IL22RA1: variants seen among roughly 807,000 people sequenced by gnomAD.
IL22RA1 encodes the protein interleukin 22 receptor subunit alpha 1, also known as interleukin-22 receptor subunit alpha-1.
A neutral mutation model predicts 32.8 loss-of-function variants in IL22RA1; 25 were observed. The ratio of observed to expected loss-of-function variants is 0.76; its 90% CI spans 0.55 to 1.06. The LOEUF (loss-of-function observed/expected upper bound fraction) is 1.06, where lower values mean the gene tolerates loss of function less well. IL22RA1 is among the 50% of genes least tolerant of loss of function. The pLI, the probability that IL22RA1 is intolerant of heterozygous loss-of-function variation, is 0.00. For missense variants in IL22RA1, 709 were observed against 727.4 expected, an observed-to-expected ratio of 0.97 and a Z score of 0.29; for synonymous variants, 305 against 305.0, an observed-to-expected ratio of 1.00 and a Z score of 0.00.
In IL22RA1 at chr1:24,137,244, A is replaced by G. The variant is rs758989459; in HGVS notation, c.242T>C (p.Leu81Pro). Residue 81 changes from leucine to proline, a missense_variant, in exon 3 of 7, where the codon CTG (leucine) becomes CCG (proline). By Grantham distance (98) the Leu-to-Pro change is moderately conservative (BLOSUM62 -3). Transcript: ENST00000270800. ...CQRITRKSCN[L>P]TVETGNLTEL... ...CGTGAGGTTGCCCGTCTCCACCGTC[A>G]GGTTGCAGGACTTCCGGGTGATCCG... The G allele has an allele frequency of 6.2e-7, 1 of 1,614,170 alleles. No homozygotes were observed. The highest frequency in any genetic ancestry group is 1.1e-5 in the South Asian group (1 of 91,076).
At chr1:24,125,369 C>T (rs1644153805) in intron 5 of IL22RA1, among the ~76,000 whole-genome samples, 1 of 152,160 alleles carries the variant, frequency 6.6e-6, no homozygotes, top group South Asian at 2.1e-4. Flanking sequence ...CCTCAGTTTC[C>T]TCATCTGTAA....
At chr1:24,137,832 TCAAA>T (rs1644252863) in intron 2 of IL22RA1, among the ~76,000 whole-genome samples, 1 of 152,176 alleles carries the variant, frequency 6.6e-6, no homozygotes, top group East Asian at 1.9e-4. Context: ...TGTTTATTTT[TCAAA>T]CAAAGAAGAT....
chr1:24,135,823 A>G (rs1644238103), intron 3 of IL22RA1, among the ~76,000 whole-genome samples: 1 of 152,246 alleles, frequency 6.6e-6, no homozygotes, highest in South Asian at 2.1e-4. Context: ...CGTCCCCATC[A>G]TTCAGTTACC....
intron 4 of IL22RA1, among the ~76,000 whole-genome samples, chr1:24,129,569 A>C (rs1461491849): frequency 2.0e-5 from 3 of 152,040 alleles, no homozygotes; most frequent in Admixed American, 2.0e-4. Context: ...ATCCCCTCTC[A>C]TATCTTTGGT....
intron 1 of IL22RA1, among the ~76,000 whole-genome samples, chr1:24,140,440 G>C (rs1412509460): frequency 2.6e-5 from 4 of 152,084 alleles, no homozygotes; most frequent in Non-Finnish European, 4.4e-5. Flanking sequence ...GAGGGTGGGG[G>C]GCTTCAGGGA....
rs542356510 is a variant in IL22RA1 at position 24,143,075 on chromosome 1, G to A, written c.8C>T (p.Thr3Met). 18 of 1,613,080 alleles carry A rather than the reference G, an allele frequency of 1.1e-5. No homozygotes were observed. The South Asian group carries it at 1.4e-4, about 13-fold the overall frequency. ...TCCCACAGTCAAGATGGTCAGCAGCGTCCTCATCGGGGCTGGCACAGAGCC... is the reference window on the plus strand; with the variant it reads ...TCCCACAGTCAAGATGGTCAGCAGCATCCTCATCGGGGCTGGCACAGAGCC... MR[T>M]LLTILTVGSL... The change falls in exon 1 of 7, where the codon ACG (threonine) becomes ATG (methionine). Residue 3 changes from threonine (T) to methionine (M), a missense_variant. Transcript: ENST00000270800.
intron 3 of IL22RA1, among the ~76,000 whole-genome samples, chr1:24,136,118 C>T (rs1644240629): frequency 6.6e-6 from 1 of 152,134 alleles, no homozygotes; most frequent in Non-Finnish European, 1.5e-5. Context: ...CCACACCCAG[C>T]TAATTTTTAA....
intron 5 of IL22RA1, among the ~76,000 whole-genome samples, chr1:24,126,683 A>G (rs1460169592): frequency 6.6e-6 from 1 of 152,208 alleles, no homozygotes; most frequent in Non-Finnish European, 1.5e-5. Context: ...CATGAGGATA[A>G]AGTGGAGACT....
intron 2 of IL22RA1, 136 bp from the exon 3 acceptor site, chr1:24,137,445 T>C: frequency 3.0e-6 from 2 of 676,014 alleles, no homozygotes; most frequent in South Asian, 4.1e-5. Context: ...GCGAATGATC[T>C]CATTTTGTTC....
chr1:24,120,718 T>G lies in IL22RA1; in HGVS notation c.*87A>C, dbSNP rs111645604. On this transcript the variant is annotated 3_prime_UTR_variant, in exon 7 of 7. Transcript: ENST00000270800. ...CCGTCTGAGGCCAGATCGCAGAGTG[T>G]GTGGCGTGGGCAGGCATGGGATTGA... 86 of 1,270,556 alleles carry G rather than the reference T, an allele frequency of 6.8e-5. No homozygotes were observed. In the African/African-American group the frequency reaches 9.8e-4, roughly 15 times the overall value. The allele number at this position is 1,270,556 out of a possible 1,614,324, so 78.7% of individuals were successfully genotyped here. A position where few individuals can be genotyped will look rare whatever the true frequency, so the allele number is the denominator to read the frequency against.
Position 24,124,627 on chromosome 1 carries a change from G to A in IL22RA1, c.671-1204C>T, listed in dbSNP as rs148556834. Among the ~76,000 whole-genome samples the A allele has an allele frequency of 2.0e-4, 30 of 152,264 alleles. No homozygotes were observed. In the East Asian group the frequency reaches 5.4e-3, roughly 27 times the overall value. The stretch of plus-strand genomic sequence containing the variant: ...CACCCTCCCTCTCTTCCTGGCCCCT[G>A]TGCAGCCTCAGCTTGGAGAGTTTAT... On this transcript the variant is annotated intron_variant, in intron 5 of 6. Transcript: ENST00000270800.
chr1:24,137,806 T>G (rs775978603), intron 2 of IL22RA1, among the ~76,000 whole-genome samples: 1 of 152,208 alleles, frequency 6.6e-6, no homozygotes, highest in Non-Finnish European at 1.5e-5. Flanking sequence ...TGTGAGCCAC[T>G]GTGCCCAGCC....
chr1:24,140,359 A>G (rs1297634546), intron 1 of IL22RA1, among the ~76,000 whole-genome samples: 1 of 152,150 alleles, frequency 6.6e-6, no homozygotes, highest in East Asian at 1.9e-4. Context: ...GTTGAGTCTG[A>G]AGGGAGGAGA....
In IL22RA1 at chr1:24,121,608, C is replaced by T; in HGVS notation, c.922G>A (p.Gly308Arg). The T allele has an allele frequency of 6.2e-7, 1 of 1,613,092 alleles. No homozygotes were observed. The highest frequency in any genetic ancestry group is 8.5e-7 in the Non-Finnish European group (1 of 1,179,318). ...PVQYSQIRVS[G>R]PREPAGAPQR... ...GGAGCTCCTGCGGGCTCCCTGGGTC[C>T]AGACACCCTGATCTGGGAGTACTGG... Residue 308 changes from glycine (G) to arginine (R), a missense_variant, in exon 7 of 7, where the codon GGA becomes AGA. Physicochemically the swap from Gly to Arg is moderately radical, Grantham distance 125. Transcript: ENST00000270800.
At chr1:24,132,333 G>GT (rs756832081) in intron 4 of IL22RA1, among the ~76,000 whole-genome samples, 25,635 of 135,200 alleles carry the variant, frequency 0.19, 2,840 homozygotes, top group African/African-American at 0.28. Context: ...TTGTGTGTGT[G>GT]TTTTTTTTTT....
chr1:24,141,023 C>T (rs984345974), intron 1 of IL22RA1, among the ~76,000 whole-genome samples: 1 of 152,204 alleles, frequency 6.6e-6, no homozygotes, highest in Non-Finnish European at 1.5e-5. Flanking sequence ...GAAGAATGGT[C>T]CGACCCCGCT....
chr1:24,134,099 G>T, intron 4 of IL22RA1, 112 bp downstream of exon 4: 1 of 853,422 alleles, frequency 1.2e-6, no homozygotes, highest in Non-Finnish European at 1.7e-6. Context: ...CATGTTTTGG[G>T]AAATGCTAAT....
intron 4 of IL22RA1, among the ~76,000 whole-genome samples, chr1:24,133,003 G>T (rs898197527): frequency 6.6e-6 from 1 of 151,510 alleles, no homozygotes; most frequent in Non-Finnish European, 1.5e-5. Flanking sequence ...ACTTCTCTTC[G>T]TTCCCTCATC....
At chr1:24,138,497 G>A (rs1644258241) in intron 2 of IL22RA1, 85 bp downstream of exon 2, 1 of 1,479,678 alleles carries the variant, frequency 6.8e-7, no homozygotes, top group East Asian at 2.3e-5. Flanking sequence ...TGGGGACATG[G>A]GAACATATGG....
Sources: allele counts gnomAD v4.1 joint callset (sites outside exome capture counted in the v4.1 genomes callset), GRCh38; gene constraint gnomAD v4.1.1; transcripts MANE v1.5; gene names NCBI Gene and HGNC (gene_info 2026-07-23, HGNC 2026-07-21).